The following ADGRL2 variants were observed in gnomAD, a reference collection of about 807,000 sequenced individuals.
The protein encoded by ADGRL2 is adhesion G protein-coupled receptor L2, also known as calcium-independent alpha-latrotoxin receptor 2.
ADGRL2 carries 44 observed loss-of-function variants against 157.4 expected under a neutral mutation model. That is an observed-to-expected ratio of 0.28 (90% confidence interval 0.22 to 0.36). The LOEUF is 0.36. Among genes scored for constraint, ADGRL2 ranks in the 10% least tolerant of loss-of-function variants. The pLI, the probability that ADGRL2 is intolerant of heterozygous loss-of-function variation, is 1.00. For missense variants in ADGRL2, 1,510 were observed against 1,768.9 expected, an observed-to-expected ratio of 0.85 and a Z score of 2.63; for synonymous variants, 585 against 624.7, an observed-to-expected ratio of 0.94 and a Z score of 0.95.
rs528753841 is a variant in ADGRL2 at position 81,427,262 on chromosome 1, G to A, written c.-301-17774G>A. 35 of 748,136 alleles carry A rather than the reference G, an allele frequency of 4.7e-5. No homozygotes were observed. In the East Asian group the frequency reaches 7.6e-4, roughly 16 times the overall value. 46.3% of individuals were successfully genotyped at this position (748,136 alleles called of 1,614,324 possible). ...AGGTGGTGGCAGCGGAAATAGTTAT[G>A]AAGGAGGTGATGGTGGATATAATGG... On this transcript the variant is annotated intron_variant, in intron 1 of 24. Coordinates refer to the ADGRL2 transcript ENST00000370721.
chr1:81,353,952 T>C (rs1190453940), intron 1 of ADGRL2, among the ~76,000 whole-genome samples: 2 of 152,160 alleles, frequency 1.3e-5, no homozygotes, highest in African/African-American at 4.8e-5. Flanking sequence ...AAGCGTAGCA[T>C]TTAATAGGTG....
At chr1:81,547,910 G>T (rs979456905) in intron 2 of ADGRL2, among the ~76,000 whole-genome samples, 1 of 152,088 alleles carries the variant, frequency 6.6e-6, no homozygotes, top group African/African-American at 2.4e-5. Context: ...AACAATATTA[G>T]CTTCTTACTA....
At chr1:81,713,222 C>T (rs950657025) in intron 1 of ADGRL2, among the ~76,000 whole-genome samples, 1 of 152,154 alleles carries the variant, frequency 6.6e-6, no homozygotes, top group African/African-American at 2.4e-5. Flanking sequence ...TAGTCCTCTG[C>T]ATTGAGGGAA....
upstream of ADGRL2, among the ~76,000 whole-genome samples, chr1:81,696,887 G>A (rs2083457799): frequency 6.6e-6 from 1 of 152,180 alleles, no homozygotes; most frequent in Admixed American, 6.5e-5. Context: ...CTAGCAAACT[G>A]TAGACAATCA....
intron 1 of ADGRL2, among the ~76,000 whole-genome samples, chr1:81,317,396 G>A (rs1308795490): frequency 1.3e-5 from 2 of 152,058 alleles, no homozygotes; most frequent in Non-Finnish European, 2.9e-5. Context: ...CTTCATTCAG[G>A]AAAGTGCCAC....
intron 2 of ADGRL2, among the ~76,000 whole-genome samples, chr1:81,556,762 C>A (rs2080288980): frequency 6.6e-6 from 1 of 151,974 alleles, no homozygotes; most frequent in Non-Finnish European, 1.5e-5. Flanking sequence ...GCAAAGAGTT[C>A]TTCCAAAATG....
chr1:81,562,275 C>G (rs2148457594), intron 2 of ADGRL2, among the ~76,000 whole-genome samples: 1 of 152,228 alleles, frequency 6.6e-6, no homozygotes, highest in Admixed American at 6.5e-5. Context: ...TCTTCCGTAG[C>G]TGAGAAAGGT....
chr1:81,580,131 G>A (rs1326796915), intron 2 of ADGRL2, among the ~76,000 whole-genome samples: 3 of 152,136 alleles, frequency 2.0e-5, no homozygotes. Flanking sequence ...GGTAAATTAA[G>A]ACCAGACTTA....
intron 2 of ADGRL2, among the ~76,000 whole-genome samples, chr1:81,473,250 GAGTAAGAATAAAA>G (rs1312459236): frequency 6.6e-6 from 1 of 152,134 alleles, no homozygotes; most frequent in Admixed American, 6.5e-5. Flanking sequence ...CAGAGGTCGT[GAGTAAGAATAAAA>G]AGTAACTGTT....
chr1:81,627,113 A>G (rs895758576), intron 3 of ADGRL2, among the ~76,000 whole-genome samples: 7 of 151,934 alleles, frequency 4.6e-5, no homozygotes, highest in Admixed American at 3.3e-4. Context: ...TACTATTATT[A>G]TTGTTATTCT....
At chr1:81,593,518 G>A (rs2081173492) in intron 3 of ADGRL2, among the ~76,000 whole-genome samples, 1 of 152,120 alleles carries the variant, frequency 6.6e-6, no homozygotes, top group African/African-American at 2.4e-5. Context: ...CTGAGTGTTG[G>A]CTTGATTATT....
intron 6 of ADGRL2, among the ~76,000 whole-genome samples, chr1:81,948,712 G>C (rs17430453): frequency 0.08 from 12,240 of 152,242 alleles, 571 homozygotes; most frequent in African/African-American, 0.14. Flanking sequence ...GTTTGAATAG[G>C]TTTCTGCAGC....
chr1:81,646,010 A>T (rs2082309032), intron 3 of ADGRL2, among the ~76,000 whole-genome samples: 1 of 152,102 alleles, frequency 6.6e-6, no homozygotes, highest in South Asian at 2.1e-4. Flanking sequence ...AACTTAAGTC[A>T]CTCTAAGGGA....
chr1:81,684,617 T>G (rs1199985332), intron 3 of ADGRL2, among the ~76,000 whole-genome samples: 1 of 152,212 alleles, frequency 6.6e-6, no homozygotes, highest in Non-Finnish European at 1.5e-5. Context: ...CCTTTTGCCA[T>G]GCAAAAGCTC....
At chr1:81,461,029 C>G (rs951371146) in intron 2 of ADGRL2, among the ~76,000 whole-genome samples, 1 of 152,074 alleles carries the variant, frequency 6.6e-6, no homozygotes. Flanking sequence ...ACAGGCAGAC[C>G]CCTCTGCTTG....
At chr1:81,627,994 C>T (rs1056983658) in intron 3 of ADGRL2, among the ~76,000 whole-genome samples, 1 of 152,158 alleles carries the variant, frequency 6.6e-6, no homozygotes, top group Non-Finnish European at 1.5e-5. Context: ...TATAGTCTAA[C>T]AATCATATTC....
At chr1:81,374,877 G>C (rs1206853089) in intron 1 of ADGRL2, among the ~76,000 whole-genome samples, 3 of 152,190 alleles carry the variant, frequency 2.0e-5, no homozygotes, top group Admixed American at 6.5e-5. Flanking sequence ...GGAAGATGAT[G>C]CAAGACAGTA....
In ADGRL2 at chr1:81,949,748, T is replaced by G. The variant is rs530793897; in HGVS notation, c.1211-441T>G. ...GTAAAGTGGGTGACTTTAAATTTTTTTATCATCCTAATTACATATAATCAT... is the reference window on the plus strand; with the variant it reads ...GTAAAGTGGGTGACTTTAAATTTTTGTATCATCCTAATTACATATAATCAT... On this transcript the variant is annotated intron_variant, in intron 6 of 23. Transcript: ENST00000686636. 3.3e-5 allele frequency among the ~76,000 whole-genome samples: 5 copies of G among 152,338 alleles called. No homozygotes were observed. In the South Asian group the frequency reaches 6.2e-4, roughly 19 times the overall value.
At chr1:81,528,518 G>C (rs1476358605) in intron 2 of ADGRL2, among the ~76,000 whole-genome samples, 3 of 151,946 alleles carry the variant, frequency 2.0e-5, no homozygotes, top group Non-Finnish European at 4.4e-5. Context: ...GCTGTGGCAG[G>C]CGCCTGTAGT....
Sources: allele counts gnomAD v4.1 joint callset (sites outside exome capture counted in the v4.1 genomes callset), GRCh38; gene constraint gnomAD v4.1.1; transcripts MANE v1.5; gene names NCBI Gene and HGNC (gene_info 2026-07-23, HGNC 2026-07-21).